PSG9: variants seen among roughly 807,000 people sequenced by gnomAD.
PSG9 encodes pregnancy-specific beta-1-glycoprotein 9.
Under a neutral mutation model 41.9 loss-of-function variants are expected in PSG9, and 49 were observed. The ratio of observed to expected loss-of-function variants is 1.17; its 90% confidence interval spans 0.93 to 1.48. PSG9 has a LOEUF of 1.48. PSG9 is among the 40% of genes most tolerant of loss of function. The pLI, the probability that PSG9 is intolerant of heterozygous loss-of-function variation, is 0.00. For synonymous variants in PSG9, 263 were observed against 196.8 expected (o/e 1.34, Z -2.82); for missense variants, 641 against 520.3 (o/e 1.23, Z -2.26).
intron 5 of PSG9, chr19:43,257,370 C>G (rs1968479819): frequency 1.0e-6 from 1 of 973,490 alleles, no homozygotes; most frequent in Non-Finnish European, 1.2e-6. Flanking sequence ...CTTACCCTCT[C>G]TATAATTACA....
In PSG9 at chr19:43,262,919, C is replaced by G. The variant is rs528107591; in HGVS notation, c.431-781G>C. ...CCCCCTGTAGAGGGCAGGTGAGGAC[C>G]ATGTGGATCTTTCTAGAAATACATG... On this transcript the variant is annotated intron_variant, in intron 2 of 5. Coordinates refer to ENST00000270077, the MANE Select transcript of PSG9 (RefSeq NM_002784.5). Among the ~76,000 whole-genome samples, 50 of 152,284 alleles carry G rather than the reference C, an allele frequency of 3.3e-4. No homozygotes were observed. In the East Asian group the frequency reaches 9.1e-3, roughly 28 times the overall value.
intron 2 of PSG9, among the ~76,000 whole-genome samples, chr19:43,267,418 T>G (rs12973575): frequency 2.6e-5 from 4 of 151,758 alleles, no homozygotes; most frequent in South Asian, 2.1e-4. Context: ...GGGCTGAGCT[T>G]CTCTGAGAGT....
In PSG9 at chr19:43,258,450, G is replaced by C; in HGVS notation, c.995C>G (p.Pro332Arg). 1 of 1,566,698 alleles carries C rather than the reference G, an allele frequency of 6.4e-7. No individual in the cohort carries two copies. Among genetic ancestry groups the C allele is most frequent in the South Asian group, 1.2e-5 (1 of 84,978 alleles). The change falls in exon 5 of 6, where the codon CCA (proline) becomes CGA (arginine). Residue 332 changes from proline to arginine, a missense_variant. By Grantham distance (103) the Pro-to-Arg change is moderately radical. Transcript: ENST00000270077. The part of the protein sequence containing the change: ...NPVILNVLYG[P>R]DLPRIYPSFT... ...TGAAGGGTAAATTCTGGGGAGGTCT[G>C]GACCATCTGGAGGAAAGAGAATAAA... is the stretch of plus-strand genomic sequence containing the variant.
chr19:43,262,877 G>C (rs755481727), intron 2 of PSG9, among the ~76,000 whole-genome samples: 2 of 152,184 alleles, frequency 1.3e-5, no homozygotes, highest in Non-Finnish European at 2.9e-5. Context: ...CCTGTTCTGG[G>C]TCCATGATGC....
chr19:43,263,631 T>C (rs1260467660), intron 2 of PSG9, among the ~76,000 whole-genome samples: 3 of 152,088 alleles, frequency 2.0e-5, no homozygotes, highest in Non-Finnish European at 4.4e-5. Flanking sequence ...TAAAATGTTT[T>C]CATAAGTGGA....
At chr19:43,260,786 T>C (rs62115878) in intron 3 of PSG9, 9,339 of 152,176 alleles carry the variant, frequency 0.061, 366 homozygotes, top group Middle Eastern at 0.082. Flanking sequence ...TGCAACTCAA[T>C]TGGGTAGTAT....
intron 2 of PSG9, among the ~76,000 whole-genome samples, chr19:43,266,166 G>A (rs1349617809): frequency 1.0e-3 from 157 of 151,938 alleles, no homozygotes; most frequent in African/African-American, 3.7e-3. Context: ...AGACCCCAGG[G>A]CCCAGGTGCC....
rs1477389775 is a variant in PSG9, at chr19:43,261,880, G to C, written c.689C>G (p.Pro230Arg). The change falls in exon 3 of 6, where the codon CCA becomes CGA. Residue 230 changes from proline to arginine, a missense_variant. Physicochemically the swap from Pro to Arg is moderately radical, Grantham distance 103. Coordinates refer to ENST00000270077, the MANE Select transcript of PSG9 (RefSeq NM_002784.5). The stretch of plus-strand genomic sequence containing the variant: ...CTCACGGAGGAGATTCAGGGTGACT[G>C]GGTCACTGCGACTGGCACTCACTGG... Reference protein sequence around the residue: ...RNPVSASRSDPVTLNLLPKLP... With the variant: ...RNPVSASRSDRVTLNLLPKLP... 6.2e-7 allele frequency: 1 copy of C among 1,613,924 alleles called. No homozygotes were observed. The highest frequency in any genetic ancestry group is 1.3e-5 in the African/African-American group (1 of 74,894).
chr19:43,262,368 C>G (rs1968766385), intron 2 of PSG9, among the ~76,000 whole-genome samples: 1 of 152,108 alleles, frequency 6.6e-6, no homozygotes, highest in Admixed American at 6.5e-5. Flanking sequence ...GTGAATTGAG[C>G]AGCAGCATTG....
At chr19:43,262,925 G>C (rs1480649503) in intron 2 of PSG9, among the ~76,000 whole-genome samples, 1 of 152,220 alleles carries the variant, frequency 6.6e-6, no homozygotes, top group African/African-American at 2.4e-5. Flanking sequence ...GGACCATGTG[G>C]ATCTTTCTAG....
rs780672352 is a variant in PSG9 at position 43,269,450 on chromosome 19, G to C, written c.-19C>G. 8 of 1,612,978 alleles carry C rather than the reference G, an allele frequency of 5.0e-6. No individual in the cohort carries two copies. ...GCCCCATGGTCTCTGCTGCCTGTGT[G>C]TTCTCCTCTGTGGAGATGAGCCTGG... On this transcript the variant is annotated 5_prime_UTR_variant, in exon 1 of 6. Coordinates refer to ENST00000270077, the MANE Select transcript of PSG9 (RefSeq NM_002784.5).
chr19:43,267,313 G>C (rs900770606), intron 2 of PSG9, among the ~76,000 whole-genome samples: 3 of 152,100 alleles, frequency 2.0e-5, no homozygotes, highest in Non-Finnish European at 2.9e-5. Context: ...TCCCAGTAAG[G>C]CCTGCCCAAG....
In PSG9 at chr19:43,267,901, C is replaced by T. The variant is rs755539714; in HGVS notation, c.313G>A (p.Ala105Thr). ...YSGRETVYSN[A>T]SLLIQNVTRK... ...GTGACATTCTGGATCAGCAGGGATG[C>T]GTTGGAATATACTGTTTCTCTTCCA... Residue 105 changes from alanine to threonine, a missense_variant, in exon 2 of 6, where the codon GCA (alanine) becomes ACA (threonine). Coordinates refer to ENST00000270077, the MANE Select transcript of PSG9 (RefSeq NM_002784.5). 3.2e-5 allele frequency: 51 copies of T among 1,613,634 alleles called. 1 individual carries two copies. Among genetic ancestry groups the T allele is most frequent in the Non-Finnish European group, 3.7e-5 (44 of 1,179,774 alleles).
chr19:43,256,809 T>C (rs1213522775), intron 5 of PSG9, among the ~76,000 whole-genome samples: 1 of 146,774 alleles, frequency 6.8e-6, no homozygotes, highest in Non-Finnish European at 1.5e-5. Context: ...TCTCAAAAAA[T>C]TAAACAATAA....
rs577188236 is a variant in PSG9, at chr19:43,262,110, G to A, written c.459C>T (p.Ser153=). 6.6e-5 allele frequency: 106 copies of A among 1,613,888 alleles called. 3 individuals carry two copies. Among genetic ancestry groups the A allele is most frequent in the South Asian group, 5.5e-5 (5 of 91,060 alleles). The change falls in exon 3 of 6, where the codon AGC becomes AGT. Residue 153 remains serine (S), a synonymous_variant. Coordinates refer to ENST00000270077, the MANE Select transcript of PSG9 (RefSeq NM_002784.5). The part of the protein sequence containing the change: ...YLETPKPYIS[S]SNLNPREAME... ...TGGCCTCCCTGGGGTTTAAGTTGCT[G>A]CTGGAGATGTAGGGCTTGGGAGTCT...
intron 2 of PSG9, 83 bp downstream of exon 2, chr19:43,267,701 A>T (rs1455709109): frequency 2.5e-6 from 4 of 1,585,344 alleles, no homozygotes; most frequent in Non-Finnish European, 2.6e-6. Context: ...ACACAGGCAG[A>T]GTCCAGGCCT....
chr19:43,269,530 T>C lies in PSG9; in HGVS notation c.-99A>G, dbSNP rs1257048146. 22 of 1,545,456 alleles carry C rather than the reference T, an allele frequency of 1.4e-5. No individual in the cohort carries two copies. Among genetic ancestry groups the C allele is most frequent in the East Asian group, 2.3e-5 (1 of 43,834 alleles). On this transcript the variant is annotated 5_prime_UTR_variant, in exon 1 of 6. Coordinates refer to ENST00000270077, the MANE Select transcript of PSG9 (RefSeq NM_002784.5). ...AGCTGTGCTGTCCTTCCTCCTTCTG[T>C]GCTGAGCCTCTTCCCGGGGCAGGAG...
intron 2 of PSG9, among the ~76,000 whole-genome samples, chr19:43,267,473 G>A (rs1295796307): frequency 6.6e-6 from 1 of 152,124 alleles, no homozygotes; most frequent in East Asian, 1.9e-4. Flanking sequence ...GTTCTCCAGG[G>A]TCTTTCTCAG....
chr19:43,267,454 C>T (rs1969025506), intron 2 of PSG9, among the ~76,000 whole-genome samples: 1 of 152,094 alleles, frequency 6.6e-6, no homozygotes, highest in African/African-American at 2.4e-5. Context: ...TCAAGCCAAG[C>T]CCTACTCAGT....
Sources: gnomAD v4.1 joint callset for allele counts (sites outside exome capture counted in the v4.1 genomes callset) on GRCh38, gnomAD v4.1.1 for gene constraint, MANE v1.5 for transcripts, NCBI Gene and HGNC (gene_info 2026-07-23, HGNC 2026-07-21) for gene names.